FABP12: variants seen among roughly 807,000 people sequenced by gnomAD.
FABP12 encodes the protein fatty acid-binding protein 12.
Under a neutral mutation model 13.7 loss-of-function variants are expected in FABP12, and 19 were observed. The ratio of observed to expected loss-of-function variants is 1.39; its 90% CI spans 0.97 to 2.04. The LOEUF (loss-of-function observed/expected upper bound fraction) is 2.04. FABP12 is among the 30% of genes most tolerant of loss of function. FABP12 has a pLI of 0.00. For synonymous variants in FABP12, 61 were observed against 57.0 expected (o/e 1.07, Z -0.32); for missense variants, 182 against 164.2 (o/e 1.11, Z -0.59).
At chr8:81,527,340 T>C (rs1021258666) in intron 3 of FABP12, among the ~76,000 whole-genome samples, 7 of 152,152 alleles carry the variant, frequency 4.6e-5, no homozygotes, top group African/African-American at 1.7e-4. Flanking sequence ...AATATTATCT[T>C]GAAGAATAAG....
chr8:81,587,112 C>G (rs35340532), intron 1 of FABP12, among the ~76,000 whole-genome samples: 2,915 of 152,070 alleles, frequency 0.019, 65 homozygotes, highest in African/African-American at 0.056. Flanking sequence ...TAGGTGTGCA[C>G]CTTTATTTCT....
intron 3 of FABP12, 163 bp downstream of exon 3, chr8:81,529,275 C>G: frequency 1.4e-6 from 1 of 707,558 alleles, no homozygotes; most frequent in Non-Finnish European, 2.4e-6. Context: ...CACAAGCATC[C>G]CAGAAGATTT....
chr8:81,547,066 C>T (rs981984142), intron 1 of FABP12, among the ~76,000 whole-genome samples: 12 of 152,180 alleles, frequency 7.9e-5, no homozygotes, highest in Admixed American at 2.6e-4. Flanking sequence ...CAGAAGTTCC[C>T]ACACTTACAG....
intron 2 of FABP12, among the ~76,000 whole-genome samples, chr8:81,530,289 C>G (rs952136686): frequency 6.6e-6 from 1 of 152,098 alleles, no homozygotes; most frequent in African/African-American, 2.4e-5. Context: ...TGAAAATTTT[C>G]CATGTCACTC....
chr8:81,539,566 A>T (rs1809296492), intron 2 of FABP12, among the ~76,000 whole-genome samples: 1 of 147,066 alleles, frequency 6.8e-6, no homozygotes, highest in African/African-American at 2.7e-5. Context: ...AGATTTAGGC[A>T]ATAAAATAAA....
exon 5 of FABP12, chr8:81,525,084 A>G: frequency 6.3e-7 from 1 of 1,596,614 alleles, no homozygotes; most frequent in South Asian, 1.1e-5. Context: ...ACTTTCTCGT[A>G]TGTTCGTGTA....
At chr8:81,526,925 G>T in intron 4 of FABP12, 95 bp downstream of exon 4, 2 of 695,390 alleles carry the variant, frequency 2.9e-6, no homozygotes, top group South Asian at 2.1e-5. Flanking sequence ...TGAGAACAAG[G>T]AAAATGGCAT....
At chr8:81,532,984 C>T (rs1470449250) in intron 1 of FABP12, 1 of 152,234 alleles carries the variant, frequency 6.6e-6, no homozygotes, top group African/African-American at 2.4e-5. Flanking sequence ...GAAGGCACTA[C>T]AATTCCCAGG....
chr8:81,553,000 G>A (rs1025255497), intron 1 of FABP12, among the ~76,000 whole-genome samples: 4 of 152,124 alleles, frequency 2.6e-5, no homozygotes, highest in African/African-American at 9.7e-5. Flanking sequence ...GAGAAAGTTC[G>A]GGGCTAGGGA....
chr8:81,562,694 G>A (rs1307541755), intron 1 of FABP12, among the ~76,000 whole-genome samples: 1 of 152,218 alleles, frequency 6.6e-6, no homozygotes, highest in East Asian at 1.9e-4. Flanking sequence ...CCCTGCTTGT[G>A]GAAAGGGAAA....
chr8:81,543,161 C>A (rs1475463702), intron 1 of FABP12, among the ~76,000 whole-genome samples: 1 of 152,208 alleles, frequency 6.6e-6, no homozygotes, highest in East Asian at 1.9e-4. Context: ...GAAGGCAGAG[C>A]ACTTCCATCT....
chr8:81,539,370 T>G (rs1445732138), intron 2 of FABP12, among the ~76,000 whole-genome samples: 1 of 148,426 alleles, frequency 6.7e-6, no homozygotes, highest in African/African-American at 2.4e-5. Flanking sequence ...TATGATAAAA[T>G]TATATAAATT....
chr8:81,525,543 TA>T (rs1183148066), intron 4 of FABP12, among the ~76,000 whole-genome samples: 1 of 147,910 alleles, frequency 6.8e-6, no homozygotes, highest in African/African-American at 2.6e-5. Flanking sequence ...GATAGATAGA[TA>T]GATAGATAGA....
At chr8:81,582,370 G>A (rs1314696643) in intron 1 of FABP12, among the ~76,000 whole-genome samples, 3 of 151,790 alleles carry the variant, frequency 2.0e-5, no homozygotes, top group South Asian at 2.1e-4. Flanking sequence ...ATCCTCCCGC[G>A]TTGGCCTTCC....
At chr8:81,588,847 G>A (rs1343321097) in intron 1 of FABP12, among the ~76,000 whole-genome samples, 2 of 152,200 alleles carry the variant, frequency 1.3e-5, no homozygotes, top group Non-Finnish European at 2.9e-5. Context: ...ACAAAGAGGT[G>A]CAGTCATCAG....
chr8:81,527,012 T>C lies in FABP12; in HGVS notation c.348+8A>G, dbSNP rs1444381169. The C allele has an allele frequency of 1.9e-6, 3 of 1,567,974 alleles. No homozygotes were observed. The highest frequency in any genetic ancestry group is 2.6e-6 in the Non-Finnish European group (3 of 1,144,028). On this transcript the variant is annotated splice_region_variant and intron_variant, in intron 4 of 4. Transcript: ENST00000360464. The stretch of plus-strand genomic sequence containing the variant: ...AGGTGGGAAGAAAGCGAGGATGGGC[T>C]AACTCACCACCACCATTTTCCCATC...
chr8:81,539,545 T>G (rs1809296048), intron 2 of FABP12, among the ~76,000 whole-genome samples: 2 of 149,464 alleles, frequency 1.3e-5, no homozygotes, highest in African/African-American at 5.0e-5. Flanking sequence ...GCGTGAATAC[T>G]GAAGAACTTA....
At chr8:81,538,726 T>C (rs1485200020), upstream of FABP12, among the ~76,000 whole-genome samples, 1 of 152,240 alleles carries the variant, frequency 6.6e-6, no homozygotes, top group Non-Finnish European at 1.5e-5. Context: ...ACATTTCTGT[T>C]GTTTTAAGCC....
intron 1 of FABP12, among the ~76,000 whole-genome samples, chr8:81,561,210 C>T (rs1809719297): frequency 6.6e-6 from 1 of 152,144 alleles, no homozygotes; most frequent in African/African-American, 2.4e-5. Flanking sequence ...GAGTAATTAT[C>T]TCCCACTCTT....
Sources: allele counts gnomAD v4.1 joint callset (sites outside exome capture counted in the v4.1 genomes callset), GRCh38; gene constraint gnomAD v4.1.1; transcripts MANE v1.5; gene names NCBI Gene and HGNC (gene_info 2026-07-23, HGNC 2026-07-21).